Variants in DNAAF8 observed in about 807,000 individuals in gnomAD.
The protein encoded by DNAAF8 is dynein axonemal assembly factor 8, also known as dynein axonemal-associated protein 1.
DNAAF8 carries 61 observed loss-of-function variants against 54.6 expected under a neutral mutation model. That is an observed-to-expected ratio of 1.12 (90% CI 0.91 to 1.38). The LOEUF (loss-of-function observed/expected upper bound fraction) is 1.38. Ranked by LOEUF, DNAAF8 falls within the 40% of genes most tolerant of loss-of-function variation. The pLI is 0.00. For synonymous variants in DNAAF8, 320 were observed against 270.1 expected (o/e 1.18, Z -1.81); for missense variants, 837 against 665.0 (o/e 1.26, Z -2.85).
At position 4,744,912 on chromosome 16, in the gene DNAAF8, T is replaced by G. The variant is rs1376938606; in HGVS notation, c.944T>G (p.Leu315Arg). The G allele has an allele frequency of 6.2e-7, 1 of 1,613,864 alleles. No homozygotes were observed. Among genetic ancestry groups the G allele is most frequent in the Non-Finnish European group, 8.5e-7 (1 of 1,179,980 alleles). Residue 315 changes from leucine to arginine, a missense_variant, in exon 6 of 10, where the codon CTG (leucine) becomes CGG (arginine). By Grantham distance (102) the Leu-to-Arg change is moderately radical. Transcript: ENST00000299320. ...PSAHNRLMEQ[L>R]ALLCTTQSKA... is the part of the protein sequence containing the mutation. The stretch of plus-strand genomic sequence containing the variant: ...GCCCACAACAGGCTCATGGAACAGC[T>G]GGCCCTCCTGTGCACCACGCAGTCC...
At chr16:4,746,727 C>G (rs2082022109) in intron 7 of DNAAF8, 200 bp from the exon 8 acceptor site, 9 of 758,804 alleles carry the variant, frequency 1.2e-5, no homozygotes, top group Non-Finnish European at 1.9e-5. Flanking sequence ...GGGCTCTATG[C>G]AATAGAGCCC....
intron 1 of DNAAF8, among the ~76,000 whole-genome samples, chr16:4,735,611 G>A (rs2081880019): frequency 6.6e-6 from 1 of 151,302 alleles, no homozygotes; most frequent in Non-Finnish European, 1.5e-5. Flanking sequence ...AGATATAAAT[G>A]CAGGGGCTGG....
Position 4,744,788 on chromosome 16 carries a change from C to A in DNAAF8, c.902-82C>A, listed in dbSNP as rs2081992224. 4 of 1,494,922 alleles carry A rather than the reference C, an allele frequency of 2.7e-6. No homozygotes were observed. The African/African-American group carries it at 4.1e-5, about 15-fold the overall frequency. 92.6% of individuals were successfully genotyped at this position (1,494,922 alleles called of 1,614,324 possible). ...GAGGTCCATTCACATGTGGAGACCC[C>A]AGGGGTCCTGAGGCTCCAGCTGCTG... On this transcript the variant is annotated intron_variant, in intron 5 of 9. Transcript: ENST00000299320.
At position 4,747,644 on chromosome 16, in the gene DNAAF8, T is replaced by A. The variant is rs773993049; in HGVS notation, c.*9+10T>A. On this transcript the variant is annotated intron_variant, in intron 9 of 9. Coordinates refer to ENST00000299320, the MANE Select transcript of DNAAF8 (RefSeq NM_139170.3). ...ACTATAGCTGCCTCAGGTAGTGGGATCCCAGGAGTGGGCAGGGGCGGGCTG... is the reference window on the plus strand; with the variant it reads ...ACTATAGCTGCCTCAGGTAGTGGGAACCCAGGAGTGGGCAGGGGCGGGCTG... 7 of 1,589,722 alleles carry A rather than the reference T, an allele frequency of 4.4e-6. No individual in the cohort carries two copies. The highest frequency in any genetic ancestry group is 8.6e-7 in the Non-Finnish European group (1 of 1,164,584).
intron 7 of DNAAF8, 127 bp downstream of exon 7, chr16:4,746,639 A>G (rs1405540600): frequency 6.3e-6 from 8 of 1,276,228 alleles, no homozygotes; most frequent in East Asian, 2.5e-5. Context: ...TCAATTCTCA[A>G]TTGAAAAGTG....
chr16:4,742,914 C>A, intron 4 of DNAAF8, 129 bp from the exon 5 acceptor site: 1 of 785,434 alleles, frequency 1.3e-6, no homozygotes, highest in Non-Finnish European at 2.2e-6. Context: ...CTCTGTCATG[C>A]ACTGAATTCC....
At chr16:4,744,727 T>C in intron 5 of DNAAF8, 143 bp from the exon 6 acceptor site, 18 of 1,033,564 alleles carry the variant, frequency 1.7e-5, no homozygotes, top group Admixed American at 2.6e-5. Context: ...GAGGGCTGAG[T>C]AGGGAGAGGG....
At chr16:4,747,144 G>T in intron 8 of DNAAF8, 119 bp downstream of exon 8, 2 of 1,224,818 alleles carry the variant, frequency 1.6e-6, no homozygotes, top group Non-Finnish European at 2.3e-6. Flanking sequence ...ACCGCACAGG[G>T]TGAGGGGGAC....
Position 4,744,847 on chromosome 16 carries a change from GCCTCTCCTTTGGCCAT to G in DNAAF8, c.902-18_902-3del. The G allele has an allele frequency of 6.2e-7, 1 of 1,605,790 alleles. No homozygotes were observed. Among genetic ancestry groups the G allele is most frequent in the Non-Finnish European group, 8.5e-7 (1 of 1,174,928 alleles). On this transcript the variant is annotated splice_region_variant and splice_polypyrimidine_tract_variant and intron_variant, in intron 5 of 9. Coordinates refer to ENST00000299320, the MANE Select transcript of DNAAF8 (RefSeq NM_139170.3). The stretch of plus-strand genomic sequence containing the variant: ...AAGTGGGCCAAGTCCCCACTAATCA[GCCTCTCCTTTGGCCAT>G]CCTCAGACCGCATGGTGCCGAGCGC...
chr16:4,736,705 C>T, intron 2 of DNAAF8, 62 bp downstream of exon 2: 2 of 1,402,988 alleles, frequency 1.4e-6, no homozygotes, highest in Non-Finnish European at 9.5e-7. Context: ...ATGACGCTGG[C>T]CAGGACAGCT....
intron 4 of DNAAF8, among the ~76,000 whole-genome samples, chr16:4,741,997 T>C (rs2081965788): frequency 6.6e-6 from 1 of 152,198 alleles, no homozygotes; most frequent in Non-Finnish European, 1.5e-5. Flanking sequence ...TTTACTACTG[T>C]TTAAATCAAC....
intron 8 of DNAAF8, 43 bp from the exon 9 acceptor site, chr16:4,747,299 CG>C: frequency 6.6e-7 from 1 of 1,516,828 alleles, no homozygotes. Flanking sequence ...CTGGGAGGGG[CG>C]GCCCCCACGG....
At position 4,740,461 on chromosome 16, in the gene DNAAF8, C is replaced by T; in HGVS notation, c.585C>T (p.Asn195=). The T allele has an allele frequency of 6.2e-7, 1 of 1,613,992 alleles. No homozygotes were observed. The highest frequency in any genetic ancestry group is 8.5e-7 in the Non-Finnish European group (1 of 1,179,948). ...PLSTASQESV[N]RRALRQERRK... ...GCACTGCCTCACAAGAATCTGTGAACCGCCGGGCCCTCCGACAGGAGAGAA... is the reference window on the plus strand; with the variant it reads ...GCACTGCCTCACAAGAATCTGTGAATCGCCGGGCCCTCCGACAGGAGAGAA... Residue 195 remains asparagine, a synonymous_variant, in exon 4 of 10, where the codon AAC becomes AAT. Coordinates refer to ENST00000299320, the MANE Select transcript of DNAAF8 (RefSeq NM_139170.3).
rs559705898 is a variant in DNAAF8, at chr16:4,744,970, C to T, written c.1002C>T (p.Ala334=). 7 of 1,613,950 alleles carry T rather than the reference C, an allele frequency of 4.3e-6. No homozygotes were observed. Among genetic ancestry groups the T allele is most frequent in the East Asian group, 2.2e-5 (1 of 44,874 alleles). Residue 334 remains alanine (A), a synonymous_variant, in exon 6 of 10, where the codon GCC becomes GCT. Coordinates refer to ENST00000299320, the MANE Select transcript of DNAAF8 (RefSeq NM_139170.3). ...KASACARKVP[A]DTPQDTKEAD... ...CTGCTTGTGCCCGGAAGGTGCCTGCCGACACTCCCCAGGACACCAAAGAGG... is the reference window on the plus strand; with the variant it reads ...CTGCTTGTGCCCGGAAGGTGCCTGCTGACACTCCCCAGGACACCAAAGAGG...
rs200542507 is a variant in DNAAF8 at position 4,737,831 on chromosome 16, T to C, written c.161T>C (p.Phe54Ser). 46 of 1,614,186 alleles carry C rather than the reference T, an allele frequency of 2.8e-5. No individual in the cohort carries two copies. Among genetic ancestry groups the C allele is most frequent in the East Asian group, 2.5e-4 (11 of 44,874 alleles). ...SDYGEEELFI[F>S]QRNQTSLIPD... ...TATGGGGAAGAGGAGCTGTTCATCTTCCAGCGAAACCAAACCTCCCTGATT... is the reference window on the plus strand; with the variant it reads ...TATGGGGAAGAGGAGCTGTTCATCTCCCAGCGAAACCAAACCTCCCTGATT... Residue 54 changes from phenylalanine to serine, a missense_variant, in exon 3 of 10, where the codon TTC becomes TCC. By Grantham distance (155) the Phe-to-Ser change is radical. Transcript: ENST00000299320.
At position 4,737,829 on chromosome 16, in the gene DNAAF8, C is replaced by T; in HGVS notation, c.159C>T (p.Ile53=). Residue 53 remains isoleucine, a synonymous_variant, in exon 3 of 10, where the codon ATC becomes ATT. Coordinates refer to ENST00000299320, the MANE Select transcript of DNAAF8 (RefSeq NM_139170.3). ...ACTATGGGGAAGAGGAGCTGTTCAT[C>T]TTCCAGCGAAACCAAACCTCCCTGA... ...LSDYGEEELF[I]FQRNQTSLIP... 1 of 1,614,180 alleles carries T rather than the reference C, an allele frequency of 6.2e-7. No individual in the cohort carries two copies.
In DNAAF8 at chr16:4,744,975, C is replaced by A; in HGVS notation, c.1007C>A (p.Thr336Asn). 6.2e-7 allele frequency: 1 copy of A among 1,613,948 alleles called. No homozygotes were observed. Among genetic ancestry groups the A allele is most frequent in the Middle Eastern group, 1.7e-4 (1 of 6,060 alleles). The change falls in exon 6 of 10, where the codon ACT becomes AAT. Residue 336 changes from threonine to asparagine, a missense_variant. Thr to Asn is a moderately conservative substitution (Grantham distance 65, BLOSUM62 0). Coordinates refer to ENST00000299320, the MANE Select transcript of DNAAF8 (RefSeq NM_139170.3). ...SACARKVPADTPQDTKEADSG... is the reference protein window; with the variant it reads ...SACARKVPADNPQDTKEADSG... Reference sequence around the variant, plus strand: ...TGTGCCCGGAAGGTGCCTGCCGACACTCCCCAGGACACCAAAGAGGCAGAT... The same window carrying A: ...TGTGCCCGGAAGGTGCCTGCCGACAATCCCCAGGACACCAAAGAGGCAGAT...
Position 4,746,747 on chromosome 16 carries a change from A to T in DNAAF8, c.1182-180A>T. 5.3e-6 allele frequency: 4 copies of T among 750,938 alleles called. No individual in the cohort carries two copies. In the Admixed American group the frequency reaches 1.3e-4, roughly 24 times the overall value. 46.5% of individuals were successfully genotyped at this position (750,938 alleles called of 1,614,324 possible). ...CTATGCAATAGAGCCCAACACGTCT[A>T]GGCTGGAGGGCATCACCCACACCTG... On this transcript the variant is annotated intron_variant, in intron 7 of 9. Transcript: ENST00000299320.
rs112290658 is a variant in DNAAF8 at position 4,744,744 on chromosome 16, G to A, written c.902-126G>A. ...GGGCTGAGTAGGGAGAGGGCTGGGC[G>A]GGGGCAGTGGAGGAGCCTGAGGTCC... On this transcript the variant is annotated intron_variant, in intron 5 of 9. Coordinates refer to ENST00000299320, the MANE Select transcript of DNAAF8 (RefSeq NM_139170.3). 96 of 1,207,506 alleles carry A rather than the reference G, an allele frequency of 8.0e-5. 1 individual carries two copies. The highest frequency in any genetic ancestry group is 9.6e-5 in the Non-Finnish European group (84 of 872,968). The allele number at this position is 1,207,506 out of a possible 1,614,324, so 74.8% of individuals were successfully genotyped here.
Sources: gnomAD v4.1 joint callset for allele counts (sites outside exome capture counted in the v4.1 genomes callset) on GRCh38, gnomAD v4.1.1 for gene constraint, MANE v1.5 for transcripts, NCBI Gene and HGNC (gene_info 2026-07-23, HGNC 2026-07-21) for gene names.